The following ITGB6 variants were observed in gnomAD, a reference collection of about 807,000 sequenced individuals.
The protein encoded by ITGB6 is integrin subunit beta 6.
A neutral mutation model predicts 84.5 loss-of-function variants in ITGB6; 80 were observed. The ratio of observed to expected loss-of-function variants is 0.95; its 90% CI spans 0.79 to 1.14. The LOEUF (loss-of-function observed/expected upper bound fraction) is 1.14. Among genes scored for constraint, ITGB6 ranks in the 50% most tolerant of loss-of-function variants. ITGB6 has a pLI of 0.00. For missense variants in ITGB6, 1,006 were observed against 968.0 expected (o/e 1.04, Z -0.52); for synonymous variants, 383 against 354.9 (o/e 1.08, Z -0.89).
chr2:160,102,805 G>A (rs545268945), intron 14 of ITGB6, among the ~76,000 whole-genome samples: 1 of 152,104 alleles, frequency 6.6e-6, no homozygotes, highest in Non-Finnish European at 1.5e-5. Flanking sequence ...AACAGTCTGG[G>A]TCCAAACCCA....
At chr2:160,116,950 A>G (rs1682804247) in intron 12 of ITGB6, among the ~76,000 whole-genome samples, 1 of 151,840 alleles carries the variant, frequency 6.6e-6, no homozygotes, top group Admixed American at 6.6e-5. Context: ...GATCAATTCA[A>G]CAAGAAGAGC....
intron 12 of ITGB6, among the ~76,000 whole-genome samples, chr2:160,113,573 T>C (rs925747623): frequency 3.3e-5 from 5 of 152,362 alleles, no homozygotes; most frequent in Middle Eastern, 3.4e-3. Context: ...TTACAAATCA[T>C]CCTAGTCTAG....
At chr2:160,139,927 G>T (rs768763338) in intron 8 of ITGB6, among the ~76,000 whole-genome samples, 72 of 152,018 alleles carry the variant, frequency 4.7e-4, no homozygotes, top group African/African-American at 7.5e-4. Context: ...GGTATTTAAG[G>T]TTTTTTTAAA....
At chr2:160,109,881 A>G (rs534011804) in intron 13 of ITGB6, among the ~76,000 whole-genome samples, 2 of 152,344 alleles carry the variant, frequency 1.3e-5, no homozygotes, top group East Asian at 3.9e-4. Flanking sequence ...AGGGTGAAAT[A>G]CACACTGATT....
chr2:160,105,358 T>G (rs1371561548), intron 14 of ITGB6, among the ~76,000 whole-genome samples: 3 of 152,248 alleles, frequency 2.0e-5, no homozygotes, highest in Non-Finnish European at 4.4e-5. Context: ...TTCATGTTTT[T>G]GGGGAAATTA....
At chr2:160,119,291 C>G (rs1448303307) in intron 12 of ITGB6, among the ~76,000 whole-genome samples, 5 of 152,158 alleles carry the variant, frequency 3.3e-5, no homozygotes, top group Non-Finnish European at 5.9e-5. Flanking sequence ...GTAACCAAAA[C>G]AGCATGGTAC....
chr2:160,167,888 C>G (rs962696919), intron 7 of ITGB6, among the ~76,000 whole-genome samples: 2 of 152,134 alleles, frequency 1.3e-5, no homozygotes, highest in Non-Finnish European at 2.9e-5. Flanking sequence ...TAAACTGGAG[C>G]CTTGCTGTGG....
intron 12 of ITGB6, among the ~76,000 whole-genome samples, chr2:160,113,746 A>T (rs938072889): frequency 3.9e-5 from 6 of 152,220 alleles, no homozygotes; most frequent in South Asian, 2.1e-4. Flanking sequence ...GGAGATTCTG[A>T]TTAAGAGATT....
intron 4 of ITGB6, among the ~76,000 whole-genome samples, chr2:160,184,888 A>G (rs1268246265): frequency 2.0e-5 from 3 of 152,242 alleles, no homozygotes; most frequent in Non-Finnish European, 4.4e-5. Context: ...TCACATGATT[A>G]TCTCAATAGT....
intron 8 of ITGB6, among the ~76,000 whole-genome samples, chr2:160,141,260 C>CA (rs566321237): frequency 3.1e-4 from 44 of 143,700 alleles, no homozygotes; most frequent in South Asian, 2.8e-3. Flanking sequence ...TAAGTAAAGG[C>CA]AAAAAAAAAG....
chr2:160,175,709 G>T (rs1036623563), intron 4 of ITGB6, among the ~76,000 whole-genome samples: 1 of 152,214 alleles, frequency 6.6e-6, no homozygotes. Context: ...TAGTGCCTTC[G>T]TCTGGAGTTC....
chr2:160,196,523 A>C (rs1686346436), intron 2 of ITGB6, 103 bp from the exon 3 acceptor site: 1 of 940,534 alleles, frequency 1.1e-6, no homozygotes, highest in Non-Finnish European at 1.6e-6. Context: ...TTTGCTAGTT[A>C]AGCATCTTGC....
chr2:160,119,502 T>C (rs1397948506), intron 12 of ITGB6, among the ~76,000 whole-genome samples: 1 of 151,882 alleles, frequency 6.6e-6, no homozygotes, highest in African/African-American at 2.4e-5. Flanking sequence ...TTACACCTTA[T>C]ACAAAAATTA....
At chr2:160,119,922 A>G (rs888487860) in intron 12 of ITGB6, among the ~76,000 whole-genome samples, 9 of 152,234 alleles carry the variant, frequency 5.9e-5, no homozygotes, top group African/African-American at 1.7e-4. Flanking sequence ...AAAAATGCTC[A>G]TCATCACGGG....
intron 11 of ITGB6, among the ~76,000 whole-genome samples, chr2:160,125,973 A>C (rs780699261): frequency 5.9e-5 from 9 of 152,114 alleles, no homozygotes; most frequent in African/African-American, 2.4e-5. Flanking sequence ...CAGGCTATAA[A>C]CTTCTAGATA....
In ITGB6 at chr2:160,200,059, C is replaced by T. The variant is rs1429580834; in HGVS notation, c.5G>A (p.Gly2Glu). The T allele has an allele frequency of 6.2e-7, 1 of 1,613,700 alleles. No homozygotes were observed. The highest frequency in any genetic ancestry group is 8.5e-7 in the Non-Finnish European group (1 of 1,179,730). Residue 2 changes from glycine (G) to glutamate (E), a missense_variant, in exon 1 of 15, where the codon GGG becomes GAG. Transcript: ENST00000283249. Reference protein sequence around the residue: MGIELLCLFFLF... With the variant: MEIELLCLFFLF... ...AAAGAACAGGCAAAGCAGTTCAATC[C>T]CCATTCGTTTCAGTTCTTGCTGTGC... is the stretch of plus-strand genomic sequence containing the variant.
chr2:160,126,654 T>TG (rs1683258182), intron 10 of ITGB6, 53 bp from the exon 11 acceptor site: 2 of 1,470,540 alleles, frequency 1.4e-6, no homozygotes, highest in East Asian at 2.3e-5. Context: ...CTTGCAGATT[T>TG]GAGGGGGTGA....
chr2:160,172,617 C>A lies in ITGB6; in HGVS notation c.873G>T (p.Gly291=), dbSNP rs1199082902. ...CATTCTTGCTGTCCAAGTGACAGAG[C>A]CCGTCATTAGGAATGACGATGCCTG... The part of the protein sequence containing the change: ...KLAGIVIPND[G]LCHLDSKNEY... The change falls in exon 6 of 15, where the codon GGG becomes GGT. Residue 291 remains glycine, a synonymous_variant. Transcript: ENST00000283249. 6.2e-7 allele frequency: 1 copy of A among 1,611,390 alleles called. No individual in the cohort carries two copies. Among genetic ancestry groups the A allele is most frequent in the South Asian group, 1.1e-5 (1 of 90,904 alleles).
intron 7 of ITGB6, among the ~76,000 whole-genome samples, chr2:160,151,824 T>G (rs1034292879): frequency 2.6e-5 from 4 of 152,004 alleles, no homozygotes; most frequent in African/African-American, 9.7e-5. Context: ...AATACCTCAA[T>G]GCAAATAAAC....
Sources: gnomAD v4.1 joint callset for allele counts (sites outside exome capture counted in the v4.1 genomes callset) on GRCh38, gnomAD v4.1.1 for gene constraint, MANE v1.5 for transcripts, NCBI Gene and HGNC (gene_info 2026-07-23, HGNC 2026-07-21) for gene names.